Variants in KCNK9 observed in about 807,000 individuals in gnomAD.
KCNK9 encodes potassium channel subfamily K member 9.
KCNK9 carries 1 observed loss-of-function variant against 10.8 expected under a neutral mutation model. The observed-to-expected ratio is 0.09, with a 90% CI of 0.03 to 0.44. The LOEUF (loss-of-function observed/expected upper bound fraction) is 0.44, where lower values mean the gene tolerates loss of function less well. Among genes scored for constraint, KCNK9 ranks in the 20% least tolerant of loss-of-function variants. The pLI, the probability that KCNK9 is intolerant of heterozygous loss-of-function variation, is 0.97. For synonymous variants in KCNK9, 231 were observed against 222.7 expected (o/e 1.04, Z -0.33); for missense variants, 303 against 515.0 (o/e 0.59, Z 3.98).
chr8:139,669,398 T>C (rs572031725), intron 1 of KCNK9, among the ~76,000 whole-genome samples: 1 of 152,374 alleles, frequency 6.6e-6, no homozygotes, highest in Admixed American at 6.5e-5. Flanking sequence ...TCTCAAACCC[T>C]GCTGCTACTT....
chr8:139,651,540 T>C (rs751975522), intron 1 of KCNK9, among the ~76,000 whole-genome samples: 33 of 152,040 alleles, frequency 2.2e-4, no homozygotes, highest in Non-Finnish European at 3.7e-4. Context: ...AAGGGTGGAA[T>C]TGGATAAGTA....
chr8:139,681,246 T>C (rs1234801692), intron 1 of KCNK9, among the ~76,000 whole-genome samples: 1 of 152,180 alleles, frequency 6.6e-6, no homozygotes, highest in African/African-American at 2.4e-5. Context: ...CCATTCATGG[T>C]CACACAATGA....
At chr8:139,699,819 C>A (rs146116525) in intron 1 of KCNK9, among the ~76,000 whole-genome samples, 5 of 152,316 alleles carry the variant, frequency 3.3e-5, no homozygotes, top group Admixed American at 6.5e-5. Flanking sequence ...ACAGGGCAAG[C>A]TAATAGCTGC....
At chr8:139,669,901 G>T (rs1193937259) in intron 1 of KCNK9, among the ~76,000 whole-genome samples, 1 of 152,224 alleles carries the variant, frequency 6.6e-6, no homozygotes, top group Non-Finnish European at 1.5e-5. Flanking sequence ...TCCATGGGCT[G>T]CAGAAAGGAT....
At chr8:139,645,732 T>C (rs1815655303) in intron 1 of KCNK9, among the ~76,000 whole-genome samples, 1 of 152,068 alleles carries the variant, frequency 6.6e-6, no homozygotes, top group Non-Finnish European at 1.5e-5. Context: ...CTGGAGCCAA[T>C]TAGCCATCCA....
In KCNK9 at chr8:139,702,744, G is replaced by A. The variant is rs890658147; in HGVS notation, c.249C>T (p.Ser83=). Residue 83 remains serine, a synonymous_variant, in exon 1 of 2, where the codon TCC becomes TCT. Coordinates refer to ENST00000520439, the MANE Select transcript of KCNK9 (RefSeq NM_001282534.2). The surrounding 1 kb of genome is among the most constrained non-coding windows in gnomAD (Gnocchi z 7.5). ...TGATGACCGTGATCGCAAAGTAGAA[G>A]GAGCCGGCGAATTTCCACTGGACGC... ...RAGVQWKFAG[S]FYFAITVITT... is the part of the protein sequence containing the mutation. 3 of 1,612,606 alleles carry A rather than the reference G, an allele frequency of 1.9e-6. No individual in the cohort carries two copies. The highest frequency in any genetic ancestry group is 2.5e-6 in the Non-Finnish European group (3 of 1,179,630).
intron 1 of KCNK9, among the ~76,000 whole-genome samples, chr8:139,630,417 G>C (rs1052010698): frequency 6.6e-6 from 1 of 152,006 alleles, no homozygotes; most frequent in Non-Finnish European, 1.5e-5. Flanking sequence ...CCACCTCCCC[G>C]GGGCCTCTCT....
At chr8:139,648,805 G>C (rs768098930) in intron 1 of KCNK9, among the ~76,000 whole-genome samples, 1 of 152,212 alleles carries the variant, frequency 6.6e-6, no homozygotes, top group East Asian at 1.9e-4. Context: ...CCAATGACAC[G>C]TGCCGTGGGC....
chr8:139,700,518 GCGCA>G (rs1200710839), intron 1 of KCNK9, among the ~76,000 whole-genome samples: 50 of 135,586 alleles, frequency 3.7e-4, no homozygotes, highest in African/African-American at 5.7e-4. Flanking sequence ...ACGCGCGCGC[GCGCA>G]CACACACACA....
At chr8:139,659,659 C>A (rs1408281478) in intron 1 of KCNK9, among the ~76,000 whole-genome samples, 1 of 151,618 alleles carries the variant, frequency 6.6e-6, no homozygotes, top group Non-Finnish European at 1.5e-5. Flanking sequence ...CTACAGGAGC[C>A]CACCACCATG....
chr8:139,662,960 A>G (rs1816200818), intron 1 of KCNK9, among the ~76,000 whole-genome samples: 1 of 151,918 alleles, frequency 6.6e-6, no homozygotes, highest in African/African-American at 2.4e-5. Flanking sequence ...GGGGCTTAGT[A>G]AAAGGGAGCA....
chr8:139,681,773 T>C (rs1816692593), intron 1 of KCNK9, among the ~76,000 whole-genome samples: 1 of 152,170 alleles, frequency 6.6e-6, no homozygotes, highest in Non-Finnish European at 1.5e-5. Context: ...CAACCTATAG[T>C]GGACACCTGG....
At chr8:139,675,370 A>G (rs10105415) in intron 1 of KCNK9, among the ~76,000 whole-genome samples, 112,920 of 152,144 alleles carry the variant, frequency 0.74, 42,270 homozygotes, top group African/African-American at 0.78. Flanking sequence ...TCCATATGTT[A>G]AAATTTTAAT....
chr8:139,604,734 C>G (rs1245155571), intron 2 of KCNK9, among the ~76,000 whole-genome samples: 1 of 152,186 alleles, frequency 6.6e-6, no homozygotes, highest in Non-Finnish European at 1.5e-5. Context: ...CTTACCAGGG[C>G]TCACGCCCAT....
chr8:139,671,565 C>A (rs1816427798), intron 1 of KCNK9, among the ~76,000 whole-genome samples: 1 of 147,924 alleles, frequency 6.8e-6, no homozygotes, highest in South Asian at 2.1e-4. Flanking sequence ...GGCTAGAGTG[C>A]AGTAGCACAA....
chr8:139,687,500 A>ATATATATATATACACATATATT (rs1440259139), intron 1 of KCNK9, among the ~76,000 whole-genome samples: 1 of 64,464 alleles, frequency 1.6e-5, no homozygotes, highest in Non-Finnish European at 3.2e-5. Context: ...ACACATATAT[A>ATATATATATATACACATATATT]CATATATATG....
At chr8:139,659,164 C>T (rs897590232) in intron 1 of KCNK9, among the ~76,000 whole-genome samples, 1 of 152,224 alleles carries the variant, frequency 6.6e-6, no homozygotes, top group African/African-American at 2.4e-5. Flanking sequence ...GACCTAAACA[C>T]CTGCGTGGAT....
intron 2 of KCNK9, among the ~76,000 whole-genome samples, chr8:139,603,072 A>G (rs1251547965): frequency 6.6e-6 from 1 of 152,192 alleles, no homozygotes; most frequent in Non-Finnish European, 1.5e-5. Flanking sequence ...TCCCAAATGT[A>G]AACTGCACAG....
intron 1 of KCNK9, among the ~76,000 whole-genome samples, chr8:139,625,042 C>T (rs1018232106): frequency 6.6e-6 from 1 of 152,178 alleles, no homozygotes; most frequent in Non-Finnish European, 1.5e-5. Flanking sequence ...TGAGAATCAG[C>T]CCCCTCACCT....
Sources: allele counts gnomAD v4.1 joint callset (sites outside exome capture counted in the v4.1 genomes callset), GRCh38; gene constraint gnomAD v4.1.1; non-coding constraint Gnocchi (gnomAD v3.1); transcripts MANE v1.5; gene names NCBI Gene and HGNC (gene_info 2026-07-23, HGNC 2026-07-21).